Variants in TREM1 observed in about 807,000 individuals in gnomAD.
TREM1 encodes the protein triggering receptor expressed on myeloid cells 1.
TREM1 carries 16 observed loss-of-function variants against 22.4 expected under a neutral mutation model. The ratio of observed to expected loss-of-function variants is 0.71; its 90% CI spans 0.48 to 1.08. TREM1 has a LOEUF of 1.08. Among genes scored for constraint, TREM1 ranks in the 50% least tolerant of loss-of-function variants. The pLI is 0.00. For missense variants in TREM1, 283 were observed against 282.9 expected (o/e 1.00, Z 0.00); for synonymous variants, 110 against 111.6 (o/e 0.99, Z 0.09).
chr6:41,283,710 A>T (rs1325758879), intron 1 of TREM1, among the ~76,000 whole-genome samples: 3 of 121,520 alleles, frequency 2.5e-5, no homozygotes, highest in South Asian at 4.5e-4. Flanking sequence ...AGACTCTGTT[A>T]AAAAAAAAAA....
chr6:41,282,972 T>C (rs1768000125), intron 1 of TREM1, among the ~76,000 whole-genome samples: 1 of 151,934 alleles, frequency 6.6e-6, no homozygotes, highest in Non-Finnish European at 1.5e-5. Flanking sequence ...CTGCATATGG[T>C]GCATGAGGAT....
rs1767990025 is a variant in TREM1, at chr6:41,282,755, T to C, written c.50-4A>G. Reference sequence around the variant, plus strand: ...AATTTAGTTGCAGCTCGGAGTTCTATAAGCAGGGAAAGAGAATGGGTTCTG... The same window carrying C: ...AATTTAGTTGCAGCTCGGAGTTCTACAAGCAGGGAAAGAGAATGGGTTCTG... On this transcript the variant is annotated splice_region_variant and splice_polypyrimidine_tract_variant and intron_variant, in intron 1 of 3. Transcript: ENST00000244709. 2.5e-6 allele frequency: 4 copies of C among 1,607,626 alleles called. No homozygotes were observed. The highest frequency in any genetic ancestry group is 3.4e-6 in the Non-Finnish European group (4 of 1,176,702).
At chr6:41,276,671 G>T (rs992791079) in intron 3 of TREM1, among the ~76,000 whole-genome samples, 1 of 152,104 alleles carries the variant, frequency 6.6e-6, no homozygotes, top group African/African-American at 2.4e-5. Context: ...TTGGCGAAAT[G>T]ATTCTAAGGT....
At position 41,274,909 on chromosome 6, in the gene TREM1, C is replaced by T. The variant is rs144456914; in HGVS notation, c.*1216G>A. 6.6e-5 allele frequency among the ~76,000 whole-genome samples: 10 copies of T among 152,298 alleles called. No individual in the cohort carries two copies. In the East Asian group the frequency reaches 1.9e-3, roughly 29 times the overall value. ...TGCTCTTGGGAACTGAGGATAATAT[C>T]TGCCCTGGGCATCACTAAATTGGGC... On this transcript the variant is annotated 3_prime_UTR_variant, in exon 4 of 4. Transcript: ENST00000244709.
chr6:41,283,338 C>A (rs979161035), intron 1 of TREM1, among the ~76,000 whole-genome samples: 1 of 152,132 alleles, frequency 6.6e-6, no homozygotes, highest in East Asian at 1.9e-4. Context: ...TCCAAGGGAA[C>A]GATCCTGTGT....
chr6:41,269,484 G>A (rs1430530717), downstream of TREM1, among the ~76,000 whole-genome samples: 3 of 152,138 alleles, frequency 2.0e-5, no homozygotes, highest in African/African-American at 7.2e-5. Flanking sequence ...TAATCTCTTT[G>A]AGTCTTCTCT....
At chr6:41,272,012 C>T (rs532660992), downstream of TREM1, among the ~76,000 whole-genome samples, 2 of 152,358 alleles carry the variant, frequency 1.3e-5, no homozygotes, top group Admixed American at 1.3e-4. Context: ...GATGTGCTGT[C>T]TGCCGGCTGG....
intron 2 of TREM1, 122 bp downstream of exon 2, chr6:41,282,273 T>C (rs1767951457): frequency 5.3e-6 from 4 of 756,438 alleles, no homozygotes; most frequent in East Asian, 2.5e-5. Flanking sequence ...AGATGAGAGA[T>C]AAAGAGGTCC....
chr6:41,274,495 T>C lies in TREM1; in HGVS notation c.*1630A>G, dbSNP rs955252554. Among the ~76,000 whole-genome samples, 1 of 152,132 alleles carries C rather than the reference T, an allele frequency of 6.6e-6. No homozygotes were observed. The highest frequency in any genetic ancestry group is 1.5e-5 in the Non-Finnish European group (1 of 68,024). ...GGGTTCCAGACCAGCAAGCTCAGCA[T>C]TATTATAAACACTGCATCCTGTACA... On this transcript the variant is annotated 3_prime_UTR_variant, in exon 4 of 4. Transcript: ENST00000244709.
intron 1 of TREM1, 139 bp downstream of exon 1, chr6:41,286,468 G>T: frequency 1.3e-6 from 1 of 764,686 alleles, no homozygotes; most frequent in East Asian, 2.6e-5. Context: ...TCCCAATTCT[G>T]GGTAGAGCAG....
rs1767580323 is a variant in TREM1 at position 41,274,320 on chromosome 6, A to G, written c.*1805T>C. On this transcript the variant is annotated 3_prime_UTR_variant, in exon 4 of 4. Transcript: ENST00000244709. Reference sequence around the variant, plus strand: ...TAAAGCATTTGCTTTATGCTCCAGGAGAATCTGATGCGGTGGCCTAAAGAC... The same window carrying G: ...TAAAGCATTTGCTTTATGCTCCAGGGGAATCTGATGCGGTGGCCTAAAGAC... Among the ~76,000 whole-genome samples the G allele has an allele frequency of 6.6e-6, 1 of 152,104 alleles. No individual in the cohort carries two copies. The highest frequency in any genetic ancestry group is 1.5e-5 in the Non-Finnish European group (1 of 68,032).
intron 3 of TREM1, among the ~76,000 whole-genome samples, chr6:41,278,507 CA>C (rs1388166050): frequency 3.3e-5 from 5 of 151,500 alleles, no homozygotes; most frequent in African/African-American, 7.3e-5. Flanking sequence ...CCCATCTCTA[CA>C]AAAATAATAA....
intron 3 of TREM1, among the ~76,000 whole-genome samples, chr6:41,278,588 T>C (rs1561918783): frequency 6.6e-6 from 1 of 151,486 alleles, no homozygotes; most frequent in African/African-American, 2.4e-5. Flanking sequence ...TGGGAGGAGG[T>C]TGAGGCTACA....
At chr6:41,270,895 G>A (rs1767463868), downstream of TREM1, among the ~76,000 whole-genome samples, 1 of 152,154 alleles carries the variant, frequency 6.6e-6, no homozygotes, top group African/African-American at 2.4e-5. Context: ...TCTAGAAACA[G>A]GGATCTCACT....
chr6:41,280,787 T>C, intron 3 of TREM1, 174 bp downstream of exon 3: 1 of 1,468,774 alleles, frequency 6.8e-7, no homozygotes. Context: ...GCCTCCCCTA[T>C]TCTCCATCAC....
At position 41,282,561 on chromosome 6, in the gene TREM1, G is replaced by T. The variant is rs1767973864; in HGVS notation, c.240C>A (p.Val80=). 6.2e-7 allele frequency: 1 copy of T among 1,614,042 alleles called. No homozygotes were observed. The highest frequency in any genetic ancestry group is 1.1e-5 in the South Asian group (1 of 91,088). ...TERPSKNSHP[V]QVGRIILEDY... ...CTTCTAGTATGATCCTCCCCACTTG[G>T]ACTGGATGGGAATTCTTTGAAGGCC... Residue 80 remains valine (V), a synonymous_variant, in exon 2 of 4, where the codon GTC becomes GTA. Coordinates refer to ENST00000244709, the MANE Select transcript of TREM1 (RefSeq NM_018643.5).
At chr6:41,280,373 C>T in intron 3 of TREM1, 3 of 988,298 alleles carry the variant, frequency 3.0e-6, no homozygotes, top group Non-Finnish European at 2.4e-6. Context: ...ACCTCATCTG[C>T]AAAAATTCTG....
downstream of TREM1, among the ~76,000 whole-genome samples, chr6:41,272,358 G>A (rs28546498): frequency 0.047 from 7,092 of 152,082 alleles, 522 homozygotes; most frequent in African/African-American, 0.16. Flanking sequence ...CCTACAACCC[G>A]CAAGCCTGCA....
In TREM1 at chr6:41,283,719, A is replaced by ACAC. The variant is rs1554147926; in HGVS notation, c.50-969_50-968insGTG. Among the ~76,000 whole-genome samples the ACAC allele has an allele frequency of 2.7e-3, 404 of 147,032 alleles. 4 individuals carry two copies. The highest frequency in any genetic ancestry group is 8.3e-3 in the African/African-American group (326 of 39,440). On this transcript the variant is annotated intron_variant, in intron 1 of 3. Coordinates refer to ENST00000244709, the MANE Select transcript of TREM1 (RefSeq NM_018643.5). ...AGGGCAAGACTCTGTTAAAAAAAAA[A>ACAC]ACACACACACACACACACACATACA... is the stretch of plus-strand genomic sequence containing the variant.
Sources: allele counts gnomAD v4.1 joint callset (sites outside exome capture counted in the v4.1 genomes callset), GRCh38; gene constraint gnomAD v4.1.1; transcripts MANE v1.5; gene names NCBI Gene and HGNC (gene_info 2026-07-23, HGNC 2026-07-21).